SNTG1: variants seen among roughly 807,000 people sequenced by gnomAD.
The protein encoded by SNTG1 is syntrophin gamma 1.
In SNTG1, 39 loss-of-function variants were observed where a neutral mutation model predicts 74.7. The observed-to-expected ratio is 0.52, with a 90% confidence interval of 0.40 to 0.68. The LOEUF is 0.68. SNTG1 is among the 30% of genes least tolerant of loss of function. SNTG1 has a pLI of 0.00. For missense variants in SNTG1, 685 were observed against 609.5 expected, an observed-to-expected ratio of 1.12 and a Z score of -1.30; for synonymous variants, 254 against 217.1, an observed-to-expected ratio of 1.17 and a Z score of -1.49.
chr8:50,588,328 A>G (rs1158889126), intron 12 of SNTG1, among the ~76,000 whole-genome samples: 1 of 152,134 alleles, frequency 6.6e-6, no homozygotes, highest in Non-Finnish European at 1.5e-5. Flanking sequence ...TTTTGTATCT[A>G]CAACACCAGG....
At chr8:50,621,485 C>A (rs913293173) in intron 13 of SNTG1, among the ~76,000 whole-genome samples, 2 of 152,224 alleles carry the variant, frequency 1.3e-5, no homozygotes, top group East Asian at 3.9e-4. Context: ...TGTTTGATAG[C>A]CATTATTAGC....
chr8:50,236,587 A>G (rs1295015938), intron 2 of SNTG1, among the ~76,000 whole-genome samples: 1 of 151,534 alleles, frequency 6.6e-6, no homozygotes, highest in African/African-American at 2.4e-5. Flanking sequence ...AGTAGCTGGG[A>G]CTACAGGCGC....
intron 2 of SNTG1, among the ~76,000 whole-genome samples, chr8:50,317,122 G>A (rs2090346651): frequency 6.6e-6 from 1 of 152,050 alleles, no homozygotes; most frequent in African/African-American, 2.4e-5. Flanking sequence ...ATTCCTTAGG[G>A]GGATTATTTC....
rs373000307 is a variant in SNTG1, at chr8:50,461,371, A to AT, written c.363+10649dup. 2.7e-3 allele frequency among the ~76,000 whole-genome samples: 413 copies of AT among 152,102 alleles called. 2 individuals carry two copies. The highest frequency in any genetic ancestry group is 9.7e-3 in the African/African-American group (401 of 41,494). On this transcript the variant is annotated intron_variant, in intron 8 of 18. Transcript: ENST00000642720. ...TTTCAGAATTCTTCATTGTAAATGTATTTTTTTCTGTCCAGACTATGTTTT... is the reference window on the plus strand; with the variant it reads ...TTTCAGAATTCTTCATTGTAAATGTATTTTTTTTCTGTCCAGACTATGTTTT...
At chr8:50,735,313 A>C (rs527602137) in intron 17 of SNTG1, among the ~76,000 whole-genome samples, 1 of 151,852 alleles carries the variant, frequency 6.6e-6, no homozygotes, top group East Asian at 1.9e-4. Context: ...AATATTAGAC[A>C]AAAACTCCTC....
intron 13 of SNTG1, among the ~76,000 whole-genome samples, chr8:50,628,189 T>G (rs934221998): frequency 6.6e-6 from 1 of 152,194 alleles, no homozygotes; most frequent in African/African-American, 2.4e-5. Context: ...CATTTTGCTC[T>G]TTGGATTAAT....
chr8:50,099,338 C>T (rs1023505305), intron 1 of SNTG1, among the ~76,000 whole-genome samples: 1 of 152,080 alleles, frequency 6.6e-6, no homozygotes, highest in African/African-American at 2.4e-5. Context: ...CACATGGATA[C>T]ACAAACAAGA....
At chr8:50,677,640 A>G (rs1008008635) in intron 15 of SNTG1, among the ~76,000 whole-genome samples, 2 of 151,992 alleles carry the variant, frequency 1.3e-5, no homozygotes, top group Non-Finnish European at 2.9e-5. Context: ...TGATTGTAAA[A>G]CTGTTTGACC....
chr8:50,750,858 G>A (rs781161127), intron 17 of SNTG1, among the ~76,000 whole-genome samples: 34 of 151,898 alleles, frequency 2.2e-4, no homozygotes, highest in Non-Finnish European at 3.7e-4. Flanking sequence ...TTGCTGTTTC[G>A]TGGTGGTCTG....
chr8:50,163,483 T>TTTC (rs2082500270), intron 1 of SNTG1: 1 of 145,994 alleles, frequency 6.8e-6, no homozygotes, highest in African/African-American at 2.5e-5. Context: ...TCTTTTTTCT[T>TTTC]TTTTTTTTTT....
At chr8:50,495,339 A>G (rs529343796) in intron 8 of SNTG1, among the ~76,000 whole-genome samples, 21 of 152,068 alleles carry the variant, frequency 1.4e-4, no homozygotes, top group Non-Finnish European at 2.5e-4. Flanking sequence ...TTGAACTATT[A>G]TGTTGACGAT....
chr8:50,060,808 A>C (rs1362415383), intron 1 of SNTG1, among the ~76,000 whole-genome samples: 2 of 151,708 alleles, frequency 1.3e-5, no homozygotes, highest in Non-Finnish European at 2.9e-5. Flanking sequence ...TTTTTATGTC[A>C]GTTTATCTGA....
chr8:50,304,064 A>G lies in SNTG1; in HGVS notation c.-27-90148A>G, dbSNP rs538260432. On this transcript the variant is annotated intron_variant, in intron 2 of 18. Transcript: ENST00000642720. ...CCAAAACTCATGTTGAAATTTAATT[A>G]CCATATGATGGAATTAAGAGGTGGG... is the stretch of plus-strand genomic sequence containing the variant. Among the ~76,000 whole-genome samples, 4 of 152,302 alleles carry G rather than the reference A, an allele frequency of 2.6e-5. No homozygotes were observed. The South Asian group carries it at 8.3e-4, about 32-fold the overall frequency.
intron 2 of SNTG1, 59 bp from the exon 3 acceptor site, chr8:50,394,153 G>A (rs2092698224): frequency 7.4e-7 from 1 of 1,359,428 alleles, no homozygotes; most frequent in Non-Finnish European, 1.0e-6. Context: ...CACTATATTA[G>A]TGTTCTCTCT....
At chr8:49,987,440 G>T (rs1813271565) in intron 1 of SNTG1, among the ~76,000 whole-genome samples, 1 of 151,992 alleles carries the variant, frequency 6.6e-6, no homozygotes, top group South Asian at 2.1e-4. Flanking sequence ...AGTCTTCTTG[G>T]GGTCACAACA....
chr8:50,288,695 TG>T (rs1330810238), intron 2 of SNTG1, among the ~76,000 whole-genome samples: 1 of 151,880 alleles, frequency 6.6e-6, no homozygotes, highest in Non-Finnish European at 1.5e-5. Context: ...TAAGGTCATC[TG>T]GAAAAAAAAA....
At chr8:50,026,973 C>T (rs756734012) in intron 1 of SNTG1, among the ~76,000 whole-genome samples, 2 of 152,136 alleles carry the variant, frequency 1.3e-5, no homozygotes, top group Non-Finnish European at 2.9e-5. Flanking sequence ...GTTTCCATTC[C>T]CTCTGGGCAA....
At chr8:50,333,538 T>TATG in intron 2 of SNTG1, among the ~76,000 whole-genome samples, 1 of 152,358 alleles carries the variant, frequency 6.6e-6, no homozygotes, top group East Asian at 1.9e-4. Context: ...CATATTTTGC[T>TATG]ATGAATGTAC....
chr8:50,013,155 G>A (rs188481231), intron 1 of SNTG1, among the ~76,000 whole-genome samples: 13 of 152,134 alleles, frequency 8.5e-5, no homozygotes, highest in African/African-American at 2.2e-4. Flanking sequence ...AATAAATAAC[G>A]GATTTGCAAA....
Sources: gnomAD v4.1 joint callset for allele counts (sites outside exome capture counted in the v4.1 genomes callset) on GRCh38, gnomAD v4.1.1 for gene constraint, MANE v1.5 for transcripts, NCBI Gene and HGNC (gene_info 2026-07-23, HGNC 2026-07-21) for gene names.